CDHR3: variants seen among roughly 807,000 people sequenced by gnomAD.
CDHR3 encodes the protein cadherin-related family member 3.
CDHR3 carries 79 observed loss-of-function variants against 86.6 expected under a neutral mutation model. The observed-to-expected ratio is 0.91, with a 90% confidence interval of 0.76 to 1.10. The LOEUF (loss-of-function observed/expected upper bound fraction) is 1.10. Among genes scored for constraint, CDHR3 ranks in the 50% least tolerant of loss-of-function variants. CDHR3 has a pLI of 0.00. For missense variants in CDHR3, 1,081 were observed against 1,077.6 expected (o/e 1.00, Z -0.04); for synonymous variants, 421 against 402.4 (o/e 1.05, Z -0.55).
chr7:106,001,734 C>G, intron 7 of CDHR3, 124 bp downstream of exon 7: 1 of 1,175,548 alleles, frequency 8.5e-7, no homozygotes, highest in Non-Finnish European at 1.2e-6. Flanking sequence ...ATACCAAAAT[C>G]CACGTATGCT....
intron 7 of CDHR3, 31 bp from the exon 8 acceptor site, chr7:106,004,467 A>G: frequency 6.3e-7 from 1 of 1,577,344 alleles, no homozygotes. Context: ...TTTCTCTTCA[A>G]AGGGTCACGT....
chr7:105,970,964 A>T (rs1031273491), intron 1 of CDHR3, among the ~76,000 whole-genome samples: 2 of 151,786 alleles, frequency 1.3e-5, no homozygotes, highest in African/African-American at 2.4e-5. Context: ...ACACGGTGAA[A>T]CTCCGTCTCT....
At position 106,015,128 on chromosome 7, in the gene CDHR3, C is replaced by G. The variant is rs1225213226; in HGVS notation, c.1242C>G (p.Asp414Glu). ...TAATCTAGCTGATTGGTGATCTAGA[C>G]TACGAAAATCCAAGTAACCTAGCAG... The part of the protein sequence containing the change: ...SGKIVLIGDL[D>E]YENPSNLAAG... Residue 414 changes from aspartate (D) to glutamate (E), a missense_variant, in exon 10 of 19, where the codon GAC (aspartate) becomes GAG (glutamate). Physicochemically the swap from Asp to Glu is conservative, Grantham distance 45. Coordinates refer to ENST00000317716, the MANE Select transcript of CDHR3 (RefSeq NM_152750.5). 1 of 1,607,670 alleles carries G rather than the reference C, an allele frequency of 6.2e-7. No homozygotes were observed. Among genetic ancestry groups the G allele is most frequent in the African/African-American group, 1.3e-5 (1 of 74,906 alleles).
chr7:106,001,091 G>A (rs1447150504), intron 6 of CDHR3, among the ~76,000 whole-genome samples: 1 of 152,152 alleles, frequency 6.6e-6, no homozygotes, highest in Admixed American at 6.5e-5. Flanking sequence ...AGAATCCAGG[G>A]ACATCTGCAC....
chr7:105,976,799 A>G (rs1443533865), intron 2 of CDHR3, among the ~76,000 whole-genome samples: 1 of 152,098 alleles, frequency 6.6e-6, no homozygotes, highest in Non-Finnish European at 1.5e-5. Flanking sequence ...ATTGCTTTTT[A>G]TGGCTGAATT....
intron 3 of CDHR3, among the ~76,000 whole-genome samples, chr7:105,982,476 A>AG (rs1177228269): frequency 1.3e-5 from 2 of 148,860 alleles, no homozygotes; most frequent in East Asian, 2.0e-4. Context: ...CTCAAAAAAA[A>AG]AAAAGAAAAA....
At chr7:105,970,880 A>G (rs1827838996) in intron 1 of CDHR3, among the ~76,000 whole-genome samples, 1 of 152,162 alleles carries the variant, frequency 6.6e-6, no homozygotes, top group Non-Finnish European at 1.5e-5. Context: ...TTTTAAAAAA[A>G]TCAGTATCCC....
rs1392317809 is a variant in CDHR3 at position 106,034,795 on chromosome 7, G to C, written c.*2098G>C. ...ATAAGCCCATTAAGAATGATTAAAA[G>C]GGCCGGGTGAGGTGGCTCATGCCTG... On this transcript the variant is annotated 3_prime_UTR_variant, in exon 19 of 19. Coordinates refer to ENST00000317716, the MANE Select transcript of CDHR3 (RefSeq NM_152750.5). Among the ~76,000 whole-genome samples, 6 of 152,202 alleles carry C rather than the reference G, an allele frequency of 3.9e-5. No homozygotes were observed. The highest frequency in any genetic ancestry group is 1.4e-4 in the African/African-American group (6 of 41,454).
chr7:106,001,049 G>C (rs1055040453), intron 6 of CDHR3, among the ~76,000 whole-genome samples: 2 of 152,208 alleles, frequency 1.3e-5, no homozygotes, highest in African/African-American at 4.8e-5. Context: ...ACATGACCCT[G>C]GCATGTAACT....
At chr7:106,020,306 T>C (rs1836364985) in intron 12 of CDHR3, 67 bp from the exon 13 acceptor site, 2 of 1,370,366 alleles carry the variant, frequency 1.5e-6, no homozygotes, top group Admixed American at 2.5e-5. Context: ...GCCTGAAAAC[T>C]GCCTACACAC....
intron 5 of CDHR3, among the ~76,000 whole-genome samples, chr7:105,995,941 A>G (rs1163849506): frequency 6.6e-6 from 1 of 152,084 alleles, no homozygotes; most frequent in Non-Finnish European, 1.5e-5. Context: ...AGTGGGAGTG[A>G]TATGCACTTT....
intron 1 of CDHR3, among the ~76,000 whole-genome samples, chr7:105,966,640 G>A (rs929459010): frequency 6.6e-6 from 1 of 152,214 alleles, no homozygotes; most frequent in African/African-American, 2.4e-5. Flanking sequence ...GTTGCAAGAG[G>A]TTTCTACTTT....
At chr7:105,993,860 T>A (rs988001626) in intron 4 of CDHR3, among the ~76,000 whole-genome samples, 1 of 152,108 alleles carries the variant, frequency 6.6e-6, no homozygotes, top group Non-Finnish European at 1.5e-5. Flanking sequence ...CAGCGGGCTG[T>A]ACACATAAAC....
At chr7:106,009,358 G>A (rs1045780294) in intron 8 of CDHR3, among the ~76,000 whole-genome samples, 1 of 152,188 alleles carries the variant, frequency 6.6e-6, no homozygotes, top group African/African-American at 2.4e-5. Flanking sequence ...GGTGCGGAGA[G>A]GGCTGAGAAG....
At position 105,963,298 on chromosome 7, in the gene CDHR3, G is replaced by A. The variant is rs560951487; in HGVS notation, c.-21G>A. 6.2e-6 allele frequency: 10 copies of A among 1,613,386 alleles called. No individual in the cohort carries two copies. Among genetic ancestry groups the A allele is most frequent in the East Asian group, 2.2e-5 (1 of 44,876 alleles). ...GCTGTGGCTAATGTGCTGGAAGCAC[G>A]CACAGTTGTGACCATCAAGTATGCA... On this transcript the variant is annotated 5_prime_UTR_variant, in exon 1 of 19. Coordinates refer to ENST00000317716, the MANE Select transcript of CDHR3 (RefSeq NM_152750.5).
At chr7:106,004,945 C>T (rs1181847018) in intron 8 of CDHR3, 2 of 477,768 alleles carry the variant, frequency 4.2e-6, no homozygotes, top group African/African-American at 2.0e-5. Context: ...TATTTTGCTC[C>T]CTTCTATATC....
Position 105,989,218 on chromosome 7 carries a change from C to CA in CDHR3, c.513+4929_513+4930insA, listed in dbSNP as rs1343066505. ...TGGCATTTCTTCTTTGGGTACCCAC[C>CA]CCCCCACCTCTTCTCCACTTTCTGA... is the stretch of plus-strand genomic sequence containing the variant. On this transcript the variant is annotated intron_variant, in intron 4 of 18. Transcript: ENST00000317716. Among the ~76,000 whole-genome samples the CA allele has an allele frequency of 1.5e-4, 13 of 86,972 alleles. No individual in the cohort carries two copies. The East Asian group carries it at 0.011, about 72-fold the overall frequency. The allele number at this position is 86,972 out of a possible 152,430, so 57.1% of individuals were successfully genotyped here.
At chr7:106,000,169 G>A (rs898814447) in intron 6 of CDHR3, among the ~76,000 whole-genome samples, 1 of 152,236 alleles carries the variant, frequency 6.6e-6, no homozygotes, top group Non-Finnish European at 1.5e-5. Context: ...TCAAGTAAGG[G>A]AAAGGATGAA....
intron 1 of CDHR3, among the ~76,000 whole-genome samples, chr7:105,969,985 G>T (rs1827694436): frequency 2.0e-5 from 3 of 152,178 alleles, no homozygotes; most frequent in Non-Finnish European, 2.9e-5. Flanking sequence ...TCAAGCAGTG[G>T]CAAAGCTAAG....
Sources: allele counts gnomAD v4.1 joint callset (sites outside exome capture counted in the v4.1 genomes callset), GRCh38; gene constraint gnomAD v4.1.1; transcripts MANE v1.5; gene names NCBI Gene and HGNC (gene_info 2026-07-23, HGNC 2026-07-21).